Variants in GULP1 observed in about 807,000 individuals in gnomAD.
GULP1 encodes the protein GULP PTB domain containing engulfment adaptor 1, also known as PTB domain-containing engulfment adapter protein 1.
In GULP1, 19 loss-of-function variants were observed where a neutral mutation model predicts 40.9. The observed-to-expected ratio is 0.46, with a 90% confidence interval of 0.32 to 0.68. GULP1 has a LOEUF of 0.68. Among genes scored for constraint, GULP1 ranks in the 30% least tolerant of loss-of-function variants. The pLI, the probability that GULP1 is intolerant of heterozygous loss-of-function variation, is 0.03. For missense variants in GULP1, 312 were observed against 362.2 expected, an observed-to-expected ratio of 0.86 and a Z score of 1.12; for synonymous variants, 119 against 117.6, an observed-to-expected ratio of 1.01 and a Z score of -0.08.
At chr2:188,329,246 G>C (rs185703870) in intron 1 of GULP1, among the ~76,000 whole-genome samples, 1 of 151,506 alleles carries the variant, frequency 6.6e-6, no homozygotes, top group Non-Finnish European at 1.5e-5. Flanking sequence ...TATATTTTAC[G>C]TTCTGGTTTT....
chr2:188,542,524 AT>A (rs1690795970), intron 7 of GULP1, among the ~76,000 whole-genome samples: 1 of 152,098 alleles, frequency 6.6e-6, no homozygotes, highest in Non-Finnish European at 1.5e-5. Context: ...TTTTATTTTT[AT>A]TTTTTAAACT....
At chr2:188,308,487 T>C (rs1232666404) in intron 1 of GULP1, among the ~76,000 whole-genome samples, 1 of 152,200 alleles carries the variant, frequency 6.6e-6, no homozygotes, top group Admixed American at 6.5e-5. Flanking sequence ...TGTGTGTTTG[T>C]GTGAGAGAAC....
chr2:188,294,187 T>C (rs2034423803), intron 1 of GULP1: 1 of 152,180 alleles, frequency 6.6e-6, no homozygotes, highest in South Asian at 2.1e-4. Context: ...TCGGCCTTAC[T>C]TTGTTTTCAT....
At chr2:188,546,534 G>A (rs78196727) in intron 7 of GULP1, among the ~76,000 whole-genome samples, 5,978 of 152,006 alleles carry the variant, frequency 0.039, 270 homozygotes, top group African/African-American at 0.1. Context: ...GAAGTAGAGC[G>A]TATCAACATT....
intron 2 of GULP1, among the ~76,000 whole-genome samples, chr2:188,475,878 G>GT (rs746222340): frequency 8.6e-5 from 13 of 151,576 alleles, no homozygotes; most frequent in Non-Finnish European, 1.8e-4. Context: ...GAAATTAAGG[G>GT]TTTTGAAAAA....
chr2:188,376,903 G>A (rs1421927208), intron 1 of GULP1, among the ~76,000 whole-genome samples: 1 of 152,228 alleles, frequency 6.6e-6, no homozygotes, highest in Non-Finnish European at 1.5e-5. Flanking sequence ...GCCGGGCGCA[G>A]TGGCTCATGC....
At chr2:188,561,658 G>A (rs1470201899) in intron 7 of GULP1, among the ~76,000 whole-genome samples, 1 of 152,150 alleles carries the variant, frequency 6.6e-6, no homozygotes, top group African/African-American at 2.4e-5. Flanking sequence ...GGCAGGGGCA[G>A]GGCAATTCTC....
chr2:188,441,504 C>T (rs2057932443), intron 2 of GULP1, among the ~76,000 whole-genome samples: 1 of 152,112 alleles, frequency 6.6e-6, no homozygotes, highest in African/African-American at 2.4e-5. Context: ...CTCTTATCAA[C>T]CTTGCTGCTG....
At chr2:188,415,219 A>G (rs2054423935) in intron 2 of GULP1, among the ~76,000 whole-genome samples, 2 of 152,186 alleles carry the variant, frequency 1.3e-5, no homozygotes. Context: ...AGGAAACTAC[A>G]CATTTCACAG....
chr2:188,352,084 T>C (rs559282502), intron 1 of GULP1, among the ~76,000 whole-genome samples: 16 of 152,302 alleles, frequency 1.1e-4, no homozygotes, highest in African/African-American at 3.4e-4. Context: ...CCAATTTGAA[T>C]GATAAATTGC....
intron 2 of GULP1, among the ~76,000 whole-genome samples, chr2:188,453,694 G>T (rs1017991467): frequency 2.6e-5 from 4 of 152,272 alleles, no homozygotes; most frequent in African/African-American, 9.6e-5. Context: ...CTTTTTCTCT[G>T]CATAACTTGC....
At chr2:188,537,115 A>G (rs1381719747) in intron 6 of GULP1, among the ~76,000 whole-genome samples, 1 of 151,996 alleles carries the variant, frequency 6.6e-6, no homozygotes, top group Non-Finnish European at 1.5e-5. Context: ...TAGGTAGATA[A>G]TCATATTGTC....
chr2:188,577,295 G>A (rs1246349384), intron 9 of GULP1, among the ~76,000 whole-genome samples: 1 of 152,030 alleles, frequency 6.6e-6, no homozygotes, highest in Non-Finnish European at 1.5e-5. Flanking sequence ...ATATTTCATT[G>A]TGGATAAACA....
intron 7 of GULP1, among the ~76,000 whole-genome samples, chr2:188,547,594 C>T (rs2153360196): frequency 6.6e-6 from 1 of 152,218 alleles, no homozygotes; most frequent in South Asian, 2.1e-4. Flanking sequence ...ATTCTGGCTG[C>T]ACCAGCAGCT....
At chr2:188,548,956 T>C (rs955303867) in intron 7 of GULP1, among the ~76,000 whole-genome samples, 30 of 151,780 alleles carry the variant, frequency 2.0e-4, no homozygotes, top group Admixed American at 6.6e-4. Context: ...AAAAATTAAC[T>C]GAAAATTCAT....
chr2:188,416,053 A>C (rs987853453), intron 2 of GULP1, among the ~76,000 whole-genome samples: 1 of 152,178 alleles, frequency 6.6e-6, no homozygotes, highest in African/African-American at 2.4e-5. Context: ...TCTAGAATAA[A>C]GTGGGAATAT....
chr2:188,561,144 T>C (rs1011143624), intron 7 of GULP1, among the ~76,000 whole-genome samples: 3 of 152,212 alleles, frequency 2.0e-5, no homozygotes, highest in Non-Finnish European at 4.4e-5. Context: ...AGCATGTCAC[T>C]GTTTAAGCCC....
At chr2:188,377,838 T>G (rs2048486484) in intron 1 of GULP1, among the ~76,000 whole-genome samples, 1 of 152,200 alleles carries the variant, frequency 6.6e-6, no homozygotes, top group Admixed American at 6.5e-5. Flanking sequence ...TCCTATTGAA[T>G]TAAAATAAAT....
intron 4 of GULP1, among the ~76,000 whole-genome samples, chr2:188,506,845 T>A (rs532176923): frequency 6.6e-6 from 1 of 152,140 alleles, no homozygotes; most frequent in East Asian, 1.9e-4. Context: ...ATGGCTTATA[T>A]GATAAATTGG....
Sources: allele counts gnomAD v4.1 joint callset (sites outside exome capture counted in the v4.1 genomes callset), GRCh38; gene constraint gnomAD v4.1.1; transcripts MANE v1.5; gene names NCBI Gene and HGNC (gene_info 2026-07-23, HGNC 2026-07-21).